Variants in PDE8A observed in about 807,000 individuals in gnomAD.
PDE8A encodes the protein high affinity cAMP-specific and IBMX-insensitive 3',5'-cyclic phosphodiesterase 8A.
A neutral mutation model predicts 105.0 loss-of-function variants in PDE8A; 59 were observed. The ratio of observed to expected loss-of-function variants is 0.56; its 90% CI spans 0.46 to 0.70. The LOEUF is 0.70. Ranked by LOEUF, PDE8A falls within the 30% of genes least tolerant of loss-of-function variation. PDE8A has a pLI of 0.00. For missense variants in PDE8A, 1,014 were observed against 1,045.9 expected (o/e 0.97, Z 0.42); for synonymous variants, 355 against 371.9 (o/e 0.95, Z 0.52).
chr15:85,128,325 T>C (rs1456392907), intron 20 of PDE8A, among the ~76,000 whole-genome samples: 3 of 152,032 alleles, frequency 2.0e-5, no homozygotes, highest in Admixed American at 1.3e-4. Context: ...AGCAAGATAA[T>C]GAGACCGCAT....
chr15:85,066,073 A>G (rs1411085959), intron 2 of PDE8A, among the ~76,000 whole-genome samples: 1 of 152,170 alleles, frequency 6.6e-6, no homozygotes, highest in Admixed American at 6.5e-5. Context: ...TGAGTCAAAC[A>G]TTTCAATACA....
rs563631633 is a variant in PDE8A at position 85,091,901 on chromosome 15, C to CTTTTTTT, written c.852+734_852+740dup. ...ATCATTCATGGTCCTTTCTGCTGGA[C>CTTTTTTT]TTTTTTTTTTTTTTTTTTTTGCTTT... On this transcript the variant is annotated intron_variant, in intron 8 of 21. Transcript: ENST00000394553. Among the ~76,000 whole-genome samples, 113 of 88,376 alleles carry CTTTTTTT rather than the reference C, an allele frequency of 1.3e-3. 2 individuals carry two copies. Among genetic ancestry groups the CTTTTTTT allele is most frequent in the Non-Finnish European group, 1.6e-3 (77 of 46,690 alleles). The allele number at this position is 88,376 out of a possible 152,430, so 58.0% of individuals were successfully genotyped here.
At chr15:85,075,983 G>T in intron 4 of PDE8A, 65 bp downstream of exon 4, 1 of 828,530 alleles carries the variant, frequency 1.2e-6, no homozygotes, top group East Asian at 2.6e-5. Flanking sequence ...TTAACAGATG[G>T]CCAAATAACA....
At chr15:84,985,557 T>A (rs1247200356) in intron 1 of PDE8A, among the ~76,000 whole-genome samples, 1 of 152,192 alleles carries the variant, frequency 6.6e-6, no homozygotes, top group Non-Finnish European at 1.5e-5. Flanking sequence ...TTAGAGACCC[T>A]ATGCTCACCC....
At chr15:85,087,544 T>C (rs958911861) in intron 6 of PDE8A, among the ~76,000 whole-genome samples, 1 of 151,738 alleles carries the variant, frequency 6.6e-6, no homozygotes, top group Non-Finnish European at 1.5e-5. Flanking sequence ...CTCTGCACTT[T>C]ATAAGCAGGC....
intron 1 of PDE8A, among the ~76,000 whole-genome samples, chr15:85,000,820 CCT>C (rs2080055981): frequency 6.6e-6 from 1 of 152,140 alleles, no homozygotes; most frequent in Non-Finnish European, 1.5e-5. Flanking sequence ...AATAATCTGC[CCT>C]GTTTTTCTTC....
rs751965724 is a variant in PDE8A, at chr15:85,109,131, G to T, written c.1114+1G>T. The stretch of plus-strand genomic sequence containing the variant: ...GCTGTTGCCTCCCGTGCAACTGAAG[G>T]TGAGTGACAAAGACAAGAGAAAAAA... On this transcript the variant is annotated splice_donor_variant, in intron 12 of 21. Transcript: ENST00000394553. LOFTEE classifies it high-confidence loss of function. 6.2e-7 allele frequency: 1 copy of T among 1,603,024 alleles called. No homozygotes were observed. Among genetic ancestry groups the T allele is most frequent in the Non-Finnish European group, 8.5e-7 (1 of 1,170,390 alleles).
intron 1 of PDE8A, among the ~76,000 whole-genome samples, chr15:84,985,464 T>G (rs1289880793): frequency 6.6e-6 from 1 of 152,186 alleles, no homozygotes. Flanking sequence ...ATTTTAATAT[T>G]TTCTTGCCAG....
At chr15:85,064,494 AT>A in intron 2 of PDE8A, 68 bp downstream of exon 2, 1 of 966,604 alleles carries the variant, frequency 1.0e-6, no homozygotes. Flanking sequence ...GTGGAGCTAA[AT>A]TTACACATTT....
intron 1 of PDE8A, among the ~76,000 whole-genome samples, chr15:85,007,500 G>A (rs1567225515): frequency 6.6e-6 from 1 of 151,488 alleles, no homozygotes; most frequent in Admixed American, 6.6e-5. Flanking sequence ...TATTAGTACA[G>A]TTACGCTATA....
intron 6 of PDE8A, among the ~76,000 whole-genome samples, chr15:85,083,906 T>G (rs2081506923): frequency 6.6e-6 from 1 of 152,148 alleles, no homozygotes; most frequent in Non-Finnish European, 1.5e-5. Context: ...AAACTGCATA[T>G]GCTGGATTAT....
intron 1 of PDE8A, among the ~76,000 whole-genome samples, chr15:85,037,224 C>G (rs903102054): frequency 5.3e-5 from 8 of 152,104 alleles, no homozygotes; most frequent in Non-Finnish European, 1.0e-4. Flanking sequence ...CACGACCACG[C>G]CCAGCTAATT....
In PDE8A at chr15:85,030,891, T is replaced by A. The variant is rs146155762; in HGVS notation, c.187-33479T>A. 3.1e-3 allele frequency among the ~76,000 whole-genome samples: 474 copies of A among 152,376 alleles called. 3 individuals carry two copies. The highest frequency in any genetic ancestry group is 0.011 in the African/African-American group (443 of 41,590). On this transcript the variant is annotated intron_variant, in intron 1 of 21. Transcript: ENST00000394553. ...CAGTCACACTCTCTACAAGTTCCTG[T>A]TGTTAAACATTCACAAAGTGTTGTA...
At chr15:85,012,363 C>T (rs998100135) in intron 1 of PDE8A, among the ~76,000 whole-genome samples, 1 of 152,056 alleles carries the variant, frequency 6.6e-6, no homozygotes, top group Non-Finnish European at 1.5e-5. Flanking sequence ...GAATACTATG[C>T]AGCCATAAAA....
At chr15:85,082,567 AGACG>A (rs2081484249) in intron 5 of PDE8A, among the ~76,000 whole-genome samples, 1 of 152,172 alleles carries the variant, frequency 6.6e-6, no homozygotes. Flanking sequence ...ATCACAGTTC[AGACG>A]GGTCATTTGC....
chr15:85,134,335 A>G (rs2082372353), intron 20 of PDE8A, among the ~76,000 whole-genome samples: 1 of 152,202 alleles, frequency 6.6e-6, no homozygotes, highest in South Asian at 2.1e-4. Context: ...GGGAGGGCAC[A>G]TCAGGAGAGC....
intron 1 of PDE8A, among the ~76,000 whole-genome samples, chr15:85,061,115 A>G (rs1567257511): frequency 6.6e-6 from 1 of 152,108 alleles, no homozygotes. Flanking sequence ...TCTTTGATTG[A>G]CGATTAGCTG....
intron 11 of PDE8A, among the ~76,000 whole-genome samples, chr15:85,106,279 C>A (rs901036269): frequency 2.0e-5 from 3 of 152,014 alleles, no homozygotes; most frequent in Admixed American, 6.6e-5. Context: ...TTTCTGCCCC[C>A]ACTCCCTTGA....
In PDE8A at chr15:85,138,090, A is replaced by AGACTT; in HGVS notation, c.*189_*193dup. The AGACTT allele has an allele frequency of 1.9e-6, 1 of 529,682 alleles. No homozygotes were observed. Among genetic ancestry groups the AGACTT allele is most frequent in the Non-Finnish European group, 3.4e-6 (1 of 296,356 alleles). The allele number at this position is 529,682 out of a possible 1,614,324, so 32.8% of individuals were successfully genotyped here. A position where few individuals can be genotyped will look rare whatever the true frequency, so the allele number is the denominator to read the frequency against. On this transcript the variant is annotated 3_prime_UTR_variant, in exon 22 of 22. Transcript: ENST00000394553. ...CATCCAATGCCATTACTGTCAAGTG[A>AGACTT]GACTTGGCCACTGTAGCCTGGGCCT...
Sources: allele counts gnomAD v4.1 joint callset (sites outside exome capture counted in the v4.1 genomes callset), GRCh38; gene constraint gnomAD v4.1.1; transcripts MANE v1.5; gene names NCBI Gene and HGNC (gene_info 2026-07-23, HGNC 2026-07-21).